MX1: variants seen among roughly 807,000 people sequenced by gnomAD.
The protein encoded by MX1 is MX dynamin like GTPase 1, also known as interferon-induced GTP-binding protein Mx1.
MX1 carries 66 observed loss-of-function variants against 66.4 expected under a neutral mutation model. The ratio of observed to expected loss-of-function variants is 0.99; its 90% CI spans 0.82 to 1.22. MX1 has a LOEUF of 1.22. Ranked by LOEUF, MX1 falls within the 50% of genes most tolerant of loss-of-function variation. The pLI is 0.00. For synonymous variants in MX1, 311 were observed against 318.1 expected (o/e 0.98, Z 0.24); for missense variants, 787 against 834.3 (o/e 0.94, Z 0.70).
At chr21:41,432,282 C>T (rs1023061669) in intron 5 of MX1, 107 bp downstream of exon 5, 8 of 981,224 alleles carry the variant, frequency 8.2e-6, no homozygotes, top group South Asian at 1.4e-5. Flanking sequence ...CCTGCTCTCT[C>T]GCCTCTCCTG....
upstream of MX1, among the ~76,000 whole-genome samples, chr21:41,424,262 T>TGTGTGTGTGTGTG (rs1568960663): frequency 4.2e-5 from 6 of 144,118 alleles, no homozygotes; most frequent in African/African-American, 7.6e-5. Flanking sequence ...TGTGTGTGTG[T>TGTGTGTGTGTGTG]TAAAGTGAGG....
intron 1 of MX1, 92 bp downstream of exon 1, chr21:41,426,355 G>A (rs2090059422): frequency 6.6e-6 from 1 of 152,332 alleles, no homozygotes; most frequent in South Asian, 2.1e-4. Flanking sequence ...GGAGACTAGC[G>A]CTCCGGAGCA....
intron 16 of MX1, among the ~76,000 whole-genome samples, chr21:41,457,195 G>T (rs2090980363): frequency 6.6e-6 from 1 of 152,184 alleles, no homozygotes. Flanking sequence ...TCAGCAAACA[G>T]TTCATCCAGG....
At chr21:41,451,858 A>ATG (rs1218701595) in intron 15 of MX1, among the ~76,000 whole-genome samples, 1 of 138,222 alleles carries the variant, frequency 7.2e-6, no homozygotes, top group African/African-American at 2.8e-5. Context: ...AAAACAAACA[A>ATG]AAAAACTTTC....
At position 41,440,949 on chromosome 21, in the gene MX1, C is replaced by T; in HGVS notation, c.654C>T (p.Pro218=). The T allele has an allele frequency of 6.2e-7, 1 of 1,614,196 alleles. No individual in the cohort carries two copies. Among genetic ancestry groups the T allele is most frequent in the Non-Finnish European group, 8.5e-7 (1 of 1,180,028 alleles). The part of the protein sequence containing the change: ...RQETISLVVV[P]SNVDIATTEA... ...AGACAATCAGCCTGGTGGTGGTCCC[C>T]AGTAATGTGGACATCGCCACCACAG... is the stretch of plus-strand genomic sequence containing the variant. Residue 218 remains proline (P), a synonymous_variant, in exon 9 of 17, where the codon CCC becomes CCT. Coordinates refer to ENST00000398598, the MANE Select transcript of MX1 (RefSeq NM_002462.5).
At chr21:41,433,917 C>T (rs2090292054) in intron 5 of MX1, among the ~76,000 whole-genome samples, 1 of 152,180 alleles carries the variant, frequency 6.6e-6, no homozygotes, top group African/African-American at 2.4e-5. Context: ...TTTGGTAAGG[C>T]TGTGGTTCTT....
chr21:41,442,010 TGTGTGTGTGTGTGTGC>T, intron 10 of MX1, 96 bp downstream of exon 10: 3 of 1,027,492 alleles, frequency 2.9e-6, no homozygotes, highest in East Asian at 2.5e-5. Flanking sequence ...GTGTGGAGTG[TGTGTGTGTGTGTGTGC>T]GTGTGTGTGT....
intron 7 of MX1, among the ~76,000 whole-genome samples, chr21:41,439,493 C>T (rs183150302): frequency 7.0e-4 from 106 of 152,330 alleles, no homozygotes; most frequent in Non-Finnish European, 1.3e-3. Context: ...TCTCTACACA[C>T]AGTGCTGGCC....
Position 41,449,133 on chromosome 21 carries a change from A to G in MX1, c.1274-4A>G, listed in dbSNP as rs766064139. The G allele has an allele frequency of 3.4e-5, 55 of 1,602,474 alleles. No individual in the cohort carries two copies. Among genetic ancestry groups the G allele is most frequent in the Non-Finnish European group, 4.3e-5 (50 of 1,173,524 alleles). Reference sequence around the variant, plus strand: ...AATTTAGAGGGTTTTTTTTCCTGCTATAGGCCATAAAATTTTGAGTAGAAA... The same window carrying G: ...AATTTAGAGGGTTTTTTTTCCTGCTGTAGGCCATAAAATTTTGAGTAGAAA... On this transcript the variant is annotated splice_polypyrimidine_tract_variant and splice_region_variant and intron_variant, in intron 13 of 16. Coordinates refer to ENST00000398598, the MANE Select transcript of MX1 (RefSeq NM_002462.5).
At chr21:41,430,684 A>G (rs1168348915) in intron 4 of MX1, 76 bp downstream of exon 4, 2 of 152,226 alleles carry the variant, frequency 1.3e-5, no homozygotes, top group African/African-American at 2.4e-5. Flanking sequence ...CTTTTATCCA[A>G]GATTATTAGA....
At chr21:41,424,220 G>A (rs916882157), upstream of MX1, among the ~76,000 whole-genome samples, 1 of 120,138 alleles carries the variant, frequency 8.3e-6, no homozygotes, top group Non-Finnish European at 1.6e-5. Context: ...AGGCCCAGAG[G>A]GGTTGAGTGT....
Position 41,436,041 on chromosome 21 carries a change from C to T in MX1, c.298+12C>T, listed in dbSNP as rs1423341140. On this transcript the variant is annotated intron_variant, in intron 6 of 16. Coordinates refer to ENST00000398598, the MANE Select transcript of MX1 (RefSeq NM_002462.5). The stretch of plus-strand genomic sequence containing the variant: ...TCCCAGAGGCAGCGGTAAGAACTTA[C>T]ATTCTGTGTTAGTCTGCTCAGGCTG... 31 of 1,613,502 alleles carry T rather than the reference C, an allele frequency of 1.9e-5. No individual in the cohort carries two copies. The highest frequency in any genetic ancestry group is 2.6e-5 in the Non-Finnish European group (31 of 1,179,598).
chr21:41,431,838 T>G, intron 4 of MX1: 1 of 494,560 alleles, frequency 2.0e-6, no homozygotes. Context: ...GACCTTGGCT[T>G]CTTTGGGTCA....
chr21:41,440,117 T>C (rs1468260376), intron 8 of MX1, among the ~76,000 whole-genome samples: 2 of 152,218 alleles, frequency 1.3e-5, no homozygotes, highest in African/African-American at 2.4e-5. Flanking sequence ...TTTTATGCAA[T>C]GACTTGTTTT....
At chr21:41,446,716 C>G (rs1372990625) in intron 13 of MX1, among the ~76,000 whole-genome samples, 2 of 152,152 alleles carry the variant, frequency 1.3e-5, no homozygotes, top group Admixed American at 6.5e-5. Context: ...ACAAGATATG[C>G]CTGGAATGCC....
chr21:41,425,834 T>A (rs371487030), upstream of MX1, among the ~76,000 whole-genome samples: 4 of 151,742 alleles, frequency 2.6e-5, no homozygotes, highest in East Asian at 5.8e-4. Flanking sequence ...TGCCTGGGAG[T>A]CCCTGCTGGT....
rs1474934289 is a variant in MX1 at position 41,442,975 on chromosome 21, T to C, written c.930-813T>C. ...GGAGAGAGAGAATGGGCAGGTAGTG[T>C]TTAATGGGGCCATTGTTTCAGTTTG... On this transcript the variant is annotated intron_variant, in intron 10 of 16. Transcript: ENST00000398598. 3.3e-5 allele frequency among the ~76,000 whole-genome samples: 5 copies of C among 152,312 alleles called. No homozygotes were observed. In the East Asian group the frequency reaches 5.8e-4, roughly 18 times the overall value.
chr21:41,447,348 T>A (rs1480283381), intron 13 of MX1, among the ~76,000 whole-genome samples: 1 of 152,220 alleles, frequency 6.6e-6, no homozygotes, highest in Non-Finnish European at 1.5e-5. Flanking sequence ...AGTCAGATTC[T>A]GAGTTTCTGA....
chr21:41,439,857 TC>T lies in MX1; in HGVS notation c.591+10del. On this transcript the variant is annotated intron_variant, in intron 8 of 16. Transcript: ENST00000398598. ...CTGACATTGGGTATAAGGTCAGACTTCAGACCCATTCTGACCTTGGCCGTGG... is the reference window on the plus strand; with the variant it reads ...CTGACATTGGGTATAAGGTCAGACTTAGACCCATTCTGACCTTGGCCGTGG... 1 of 1,597,920 alleles carries T rather than the reference TC, an allele frequency of 6.3e-7. No individual in the cohort carries two copies. The highest frequency in any genetic ancestry group is 8.5e-7 in the Non-Finnish European group (1 of 1,170,710).
Sources: gnomAD v4.1 joint callset for allele counts (sites outside exome capture counted in the v4.1 genomes callset) on GRCh38, gnomAD v4.1.1 for gene constraint, MANE v1.5 for transcripts, NCBI Gene and HGNC (gene_info 2026-07-23, HGNC 2026-07-21) for gene names.